SON: variants seen among roughly 807,000 people sequenced by gnomAD.
SON encodes protein SON.
A neutral mutation model predicts 173.3 loss-of-function variants in SON; 4 were observed. The observed-to-expected ratio is 0.02, with a 90% CI of 0.01 to 0.05. SON has a LOEUF of 0.05. SON is among the 10% of genes least tolerant of loss of function. The pLI, the probability that SON is intolerant of heterozygous loss-of-function variation, is 1.00. For missense variants in SON, 2,626 were observed against 3,055.3 expected (o/e 0.86, Z 3.31); for synonymous variants, 1,190 against 1,105.9 (o/e 1.08, Z -1.51).
At chr21:33,574,973 G>A (rs1055449648) in intron 9 of SON, among the ~76,000 whole-genome samples, 1 of 152,070 alleles carries the variant, frequency 6.6e-6, no homozygotes, top group Non-Finnish European at 1.5e-5. Flanking sequence ...AACCTTTTTT[G>A]GAAGAGTCTT....
chr21:33,549,546 T>G lies in SON; in HGVS notation c.315T>G (p.Thr105=). Residue 105 remains threonine, a synonymous_variant, in exon 3 of 12, where the codon ACT becomes ACG. Transcript: ENST00000356577. The stretch of plus-strand genomic sequence containing the variant: ...CAGATCCTACTGATGAAATTCCCAC[T>G]AAAAAGTCAAAGAAGCATAAAAAGC... ...VQTDPTDEIP[T]KKSKKHKKHK... The G allele has an allele frequency of 6.3e-7, 1 of 1,581,326 alleles. No homozygotes were observed. Among genetic ancestry groups the G allele is most frequent in the Non-Finnish European group, 8.5e-7 (1 of 1,170,762 alleles).
In SON at chr21:33,551,475, C is replaced by T. The variant is rs138945763; in HGVS notation, c.2244C>T (p.Ser748=). 7.4e-6 allele frequency: 12 copies of T among 1,613,746 alleles called. No individual in the cohort carries two copies. The East Asian group carries it at 8.9e-5, about 12-fold the overall frequency. The part of the protein sequence containing the change: ...SNTMDSQMLA[S]NTMDSQMLAS... ...CCATGGACTCCCAGATGCTAGCATCCAACACCATGGACTCCCAGATGTTAG... is the reference window on the plus strand; with the variant it reads ...CCATGGACTCCCAGATGCTAGCATCTAACACCATGGACTCCCAGATGTTAG... The change falls in exon 3 of 12, where the codon TCC becomes TCT. Residue 748 remains serine, a synonymous_variant. Coordinates refer to ENST00000356577, the MANE Select transcript of SON (RefSeq NM_138927.4).
rs776093852 is a variant in SON, at chr21:33,550,620, G to T, written c.1389G>T (p.Leu463Phe). ...GGCTTCCAGCACCATCCATGGGGTT[G>T]GAGCCACCACAGGAGGTACCAGAGC... The part of the protein sequence containing the change: ...LPGLPAPSMG[L>F]EPPQEVPEPP... Residue 463 changes from leucine (L) to phenylalanine (F), a missense_variant, in exon 3 of 12, where the codon TTG becomes TTT. By Grantham distance (22) the Leu-to-Phe change is conservative. Around this residue, in one of 13 missense-constraint regions of SON, gnomAD observed 757 missense variants for 730.1 expected, o/e 1.04. Coordinates refer to ENST00000356577, the MANE Select transcript of SON (RefSeq NM_138927.4). The T allele has an allele frequency of 6.8e-6, 11 of 1,613,764 alleles. No individual in the cohort carries two copies. Among genetic ancestry groups the T allele is most frequent in the Non-Finnish European group, 8.5e-6 (10 of 1,179,966 alleles).
rs780421806 is a variant in SON at position 33,555,237 on chromosome 21, G to A, written c.6006G>A (p.Arg2002=). ...CCCCAAGCCGCCGGAGAAGATCAAG[G>A]TCTGTGGTAAGAAGACGAAGCTTCA... is the stretch of plus-strand genomic sequence containing the variant. ...SRTPSRRRRS[R]SVVRRRSFSI... is the part of the protein sequence containing the mutation. The change falls in exon 3 of 12, where the codon AGG becomes AGA. Residue 2002 remains arginine (R), a synonymous_variant. Coordinates refer to ENST00000356577, the MANE Select transcript of SON (RefSeq NM_138927.4). 2.5e-6 allele frequency: 4 copies of A among 1,610,358 alleles called. No individual in the cohort carries two copies. The highest frequency in any genetic ancestry group is 1.3e-5 in the African/African-American group (1 of 74,480).
At chr21:33,556,711 CA>C (rs375685900) in intron 3 of SON, among the ~76,000 whole-genome samples, 47,023 of 102,360 alleles carry the variant, frequency 0.46, 7,409 homozygotes, top group East Asian at 0.59. Flanking sequence ...GAGACTGTCT[CA>C]AAAAAAAAAA....
In SON at chr21:33,554,727, T is replaced by G. The variant is rs376172877; in HGVS notation, c.5496T>G (p.Ser1832=). 3.3e-5 allele frequency: 53 copies of G among 1,613,902 alleles called. No individual in the cohort carries two copies. The highest frequency in any genetic ancestry group is 4.3e-5 in the Non-Finnish European group (51 of 1,180,030). ...CTCGAAGTAAGCGTTCCAAATCTTC[T>G]GAACACAAATCACGCAAGCGTACCA... ...LRSRSKRSKS[S]EHKSRKRTSE... The change falls in exon 3 of 12, where the codon TCT becomes TCG. Residue 1832 remains serine, a synonymous_variant. Transcript: ENST00000356577.
At chr21:33,571,041 T>G (rs985985567) in intron 8 of SON, among the ~76,000 whole-genome samples, 1 of 152,104 alleles carries the variant, frequency 6.6e-6, no homozygotes, top group African/African-American at 2.4e-5. Context: ...AGTAGCACCT[T>G]GAAAAAAGGC....
rs768362575 is a variant in SON, at chr21:33,550,617, G to A, written c.1386G>A (p.Gly462=). 1.9e-6 allele frequency: 3 copies of A among 1,613,762 alleles called. No homozygotes were observed. Among genetic ancestry groups the A allele is most frequent in the Non-Finnish European group, 2.5e-6 (3 of 1,179,926 alleles). ...CAGGGCTTCCAGCACCATCCATGGGGTTGGAGCCACCACAGGAGGTACCAG... is the reference window on the plus strand; with the variant it reads ...CAGGGCTTCCAGCACCATCCATGGGATTGGAGCCACCACAGGAGGTACCAG... ...ELPGLPAPSM[G]LEPPQEVPEP... is the part of the protein sequence containing the mutation. Residue 462 remains glycine, a synonymous_variant, in exon 3 of 12, where the codon GGG becomes GGA. Transcript: ENST00000356577.
intron 7 of SON, among the ~76,000 whole-genome samples, chr21:33,568,321 T>C (rs2086214665): frequency 6.6e-6 from 1 of 152,174 alleles, no homozygotes. Flanking sequence ...GGAGAAACCC[T>C]GTCTCGACTA....
chr21:33,550,948 C>T lies in SON; in HGVS notation c.1717C>T (p.Pro573Ser). The T allele has an allele frequency of 6.2e-7, 1 of 1,605,854 alleles. No homozygotes were observed. The highest frequency in any genetic ancestry group is 8.5e-7 in the Non-Finnish European group (1 of 1,174,068). The change falls in exon 3 of 12, where the codon CCA becomes TCA. Residue 573 changes from proline (P) to serine (S), a missense_variant. Pro to Ser is a moderately conservative substitution (Grantham distance 74). This residue lies in a region of SON where 757 missense variants were observed against 730.1 expected (regional missense o/e 1.04). Transcript: ENST00000356577. ...QPSVTGVPEL[P>S]GLPSATRALE... ...TTCGGTGACTGGGGTGCCAGAGTTG[C>T]CAGGGCTGCCTTCGGCAACTAGGGC...
intron 4 of SON, chr21:33,557,962 C>G: frequency 5.5e-6 from 1 of 183,422 alleles, no homozygotes. Context: ...TGTTTTATTA[C>G]TATTTTTTTG....
intron 6 of SON, among the ~76,000 whole-genome samples, chr21:33,561,183 A>C (rs2086064155): frequency 1.3e-5 from 2 of 152,214 alleles, no homozygotes; most frequent in African/African-American, 4.8e-5. Context: ...CAACAAGTGA[A>C]GCAAGTTATG....
chr21:33,560,110 T>C lies in SON; in HGVS notation c.6657+335T>C, dbSNP rs146080932. 4.1e-5 allele frequency: 66 copies of C among 1,612,844 alleles called. No individual in the cohort carries two copies. The highest frequency in any genetic ancestry group is 1.5e-4 in the African/African-American group (11 of 74,874). On this transcript the variant is annotated intron_variant, in intron 6 of 11. Transcript: ENST00000356577. ...CTTCCCGATTTGCTTCAAGGCTCTA[T>C]AGCTCTAGATTTTGGTGGTAGCAAA...
intron 8 of SON, among the ~76,000 whole-genome samples, chr21:33,570,427 CATT>C (rs981987645): frequency 2.0e-5 from 3 of 152,140 alleles, no homozygotes; most frequent in African/African-American, 7.2e-5. Context: ...CATGTATACT[CATT>C]ATGCCTGCCT....
chr21:33,567,400 A>G (rs148597785), intron 7 of SON, 133 bp downstream of exon 7: 7 of 625,030 alleles, frequency 1.1e-5, no homozygotes, highest in East Asian at 5.5e-5. Context: ...CTTATTTTCA[A>G]TGTCTTATTT....
At chr21:33,544,375 A>G (rs867303232) in intron 1 of SON, among the ~76,000 whole-genome samples, 18 of 151,936 alleles carry the variant, frequency 1.2e-4, no homozygotes, top group Non-Finnish European at 2.5e-4. Context: ...TTTCCTGACA[A>G]ATCTCTGGCT....
intron 4 of SON, chr21:33,557,666 G>A (rs2085994020): frequency 6.6e-7 from 1 of 1,518,390 alleles, no homozygotes; most frequent in Non-Finnish European, 8.8e-7. Flanking sequence ...TTCACTGATC[G>A]CCACGAGTAT....
rs1325344028 is a variant in SON at position 33,552,742 on chromosome 21, T to A, written c.3511T>A (p.Leu1171Met). 1 of 1,613,894 alleles carries A rather than the reference T, an allele frequency of 6.2e-7. No homozygotes were observed. Among genetic ancestry groups the A allele is most frequent in the South Asian group, 1.1e-5 (1 of 91,072 alleles). The change falls in exon 3 of 12, where the codon TTG (leucine) becomes ATG (methionine). Residue 1171 changes from leucine to methionine, a missense_variant. Around this residue, in one of 13 missense-constraint regions of SON, gnomAD observed 366 missense variants for 448.6 expected, o/e 0.82. Transcript: ENST00000356577. The surrounding 1 kb of genome is among the most constrained non-coding windows in gnomAD (Gnocchi z 5.6). ...TGAGGAGCCACCAATGACACCACCA[T>A]TGCCTCCTGAGGAACCACCAGAGGG... ...PPEEPPMTPPLPPEEPPEGPA... is the reference protein window; with the variant it reads ...PPEEPPMTPPMPPEEPPEGPA...
In SON at chr21:33,559,873, T is replaced by A; in HGVS notation, c.6657+98T>A. ...TGATTTGGATTCTGTTTCACTCTTC[T>A]TAGGGCCGGGTTAAACGGCAGGGCC... On this transcript the variant is annotated intron_variant, in intron 6 of 11. Coordinates refer to ENST00000356577, the MANE Select transcript of SON (RefSeq NM_138927.4). This position sits in a 1 kb window ranked among gnomAD's most constrained non-coding sequence, Gnocchi z 4.1. The A allele has an allele frequency of 1.2e-6, 2 of 1,605,272 alleles. No individual in the cohort carries two copies. Among genetic ancestry groups the A allele is most frequent in the Non-Finnish European group, 8.5e-7 (1 of 1,173,870 alleles).
Sources: allele counts gnomAD v4.1 joint callset (sites outside exome capture counted in the v4.1 genomes callset), GRCh38; gene constraint gnomAD v4.1.1; regional missense constraint gnomAD v4.1.1; non-coding constraint Gnocchi (gnomAD v3.1); transcripts MANE v1.5; gene names NCBI Gene and HGNC (gene_info 2026-07-23, HGNC 2026-07-21).